Variants in SERPINI1 observed in about 807,000 individuals in gnomAD.
The protein encoded by SERPINI1 is serpin family I member 1, also known as neuroserpin.
Under a neutral mutation model 41.1 loss-of-function variants are expected in SERPINI1, and 19 were observed. The ratio of observed to expected loss-of-function variants is 0.46; its 90% CI spans 0.32 to 0.68. The LOEUF (loss-of-function observed/expected upper bound fraction) is 0.68. Among genes scored for constraint, SERPINI1 ranks in the 30% least tolerant of loss-of-function variants. SERPINI1 has a pLI of 0.03. For missense variants in SERPINI1, 460 were observed against 479.2 expected, an observed-to-expected ratio of 0.96 and a Z score of 0.37; for synonymous variants, 138 against 156.6, an observed-to-expected ratio of 0.88 and a Z score of 0.89.
At chr3:167,800,460 C>T (rs1157911368) in intron 5 of SERPINI1, among the ~76,000 whole-genome samples, 1 of 152,068 alleles carries the variant, frequency 6.6e-6, no homozygotes, top group Admixed American at 6.5e-5. Flanking sequence ...AAACTTGATT[C>T]TTTTGAATTT....
chr3:167,808,777 C>A (rs1333048707), intron 6 of SERPINI1, among the ~76,000 whole-genome samples: 1 of 152,098 alleles, frequency 6.6e-6, no homozygotes, highest in Non-Finnish European at 1.5e-5. Flanking sequence ...TAAATATGTG[C>A]ACACAATGCA....
At chr3:167,756,953 A>G (rs1007102139) in intron 1 of SERPINI1, among the ~76,000 whole-genome samples, 2 of 152,228 alleles carry the variant, frequency 1.3e-5, no homozygotes, top group Non-Finnish European at 2.9e-5. Flanking sequence ...CTCTATGTAA[A>G]TGAGGTTTTC....
intron 1 of SERPINI1, among the ~76,000 whole-genome samples, chr3:167,787,303 G>A (rs1287910469): frequency 6.6e-6 from 1 of 152,150 alleles, no homozygotes; most frequent in African/African-American, 2.4e-5. Flanking sequence ...AAGAAGTATG[G>A]TATAGTAAAT....
chr3:167,746,583 AGGCAAAG>A (rs1725869486), intron 1 of SERPINI1, among the ~76,000 whole-genome samples: 1 of 152,230 alleles, frequency 6.6e-6, no homozygotes, highest in Non-Finnish European at 1.5e-5. Context: ...AATTAAAAGT[AGGCAAAG>A]GATATGAATA....
chr3:167,820,689 C>T (rs1309244134), intron 6 of SERPINI1, among the ~76,000 whole-genome samples: 19 of 152,172 alleles, frequency 1.2e-4, no homozygotes, highest in Non-Finnish European at 7.4e-5. Context: ...CCGCTCAGCA[C>T]GGACAGCCTG....
At chr3:167,785,323 A>T (rs1351139296) in intron 1 of SERPINI1, among the ~76,000 whole-genome samples, 1 of 152,104 alleles carries the variant, frequency 6.6e-6, no homozygotes, top group African/African-American at 2.4e-5. Flanking sequence ...ACCTTTTTTC[A>T]TTAATGAGGA....
intron 6 of SERPINI1, among the ~76,000 whole-genome samples, chr3:167,812,288 C>A (rs1711918082): frequency 1.3e-5 from 2 of 152,210 alleles, no homozygotes; most frequent in Non-Finnish European, 1.5e-5. Context: ...ACCTGTGCCC[C>A]ATCCGCTGCT....
intron 1 of SERPINI1, among the ~76,000 whole-genome samples, chr3:167,772,862 CTCTATATATA>C (rs1397310304): frequency 4.2e-5 from 1 of 23,656 alleles, no homozygotes; most frequent in South Asian, 2.2e-3. Flanking sequence ...CTCTCTCTCT[CTCTATATATA>C]TATATATATA....
intron 1 of SERPINI1, among the ~76,000 whole-genome samples, chr3:167,753,565 T>C (rs1202021617): frequency 1.3e-5 from 2 of 152,140 alleles, no homozygotes; most frequent in Non-Finnish European, 2.9e-5. Flanking sequence ...CCTATGAAGA[T>C]TGGGGGTGGG....
chr3:167,781,177 A>T (rs950464065), intron 1 of SERPINI1, among the ~76,000 whole-genome samples: 2 of 152,102 alleles, frequency 1.3e-5, no homozygotes, highest in Non-Finnish European at 2.9e-5. Context: ...GCAAATCAGG[A>T]AACACAGGCC....
chr3:167,751,230 C>T (rs1442251425), intron 1 of SERPINI1, among the ~76,000 whole-genome samples: 2 of 152,160 alleles, frequency 1.3e-5, no homozygotes, highest in Non-Finnish European at 2.9e-5. Flanking sequence ...CTCCTCTATT[C>T]TCCATTATAC....
chr3:167,754,148 G>A (rs1184410658), intron 1 of SERPINI1, among the ~76,000 whole-genome samples: 1 of 152,180 alleles, frequency 6.6e-6, no homozygotes, highest in East Asian at 1.9e-4. Context: ...TGTGAGCTCT[G>A]TATTCATTTT....
intron 2 of SERPINI1, among the ~76,000 whole-genome samples, chr3:167,790,116 G>A (rs1229333919): frequency 6.6e-6 from 1 of 152,132 alleles, no homozygotes; most frequent in Non-Finnish European, 1.5e-5. Flanking sequence ...GAAGAAAACA[G>A]TCTCTATAGA....
In SERPINI1 at chr3:167,754,342, G is replaced by C. The variant is rs569539985; in HGVS notation, c.-19+18519G>C. ...TCTTCAGCAACTGGAATAGATGAAA[G>C]TGTCTCTTAAAGCCCTCCATTGATC... On this transcript the variant is annotated intron_variant, in intron 1 of 8. Coordinates refer to ENST00000446050, the MANE Select transcript of SERPINI1 (RefSeq NM_001122752.2). Among the ~76,000 whole-genome samples the C allele has an allele frequency of 7.9e-5, 12 of 152,296 alleles. No homozygotes were observed. The South Asian group carries it at 2.3e-3, about 29-fold the overall frequency.
chr3:167,824,578 A>G lies in SERPINI1; in HGVS notation c.1156+16A>G. 6.4e-7 allele frequency: 1 copy of G among 1,565,266 alleles called. No individual in the cohort carries two copies. On this transcript the variant is annotated intron_variant, in intron 8 of 8. Transcript: ENST00000446050. ...AGGAGAACTGGTAAGTTTATTATGAAAACAAAATTTTATTTAATAGGTCAC... is the reference window on the plus strand; with the variant it reads ...AGGAGAACTGGTAAGTTTATTATGAGAACAAAATTTTATTTAATAGGTCAC...
At chr3:167,758,761 A>G (rs1726275492) in intron 1 of SERPINI1, among the ~76,000 whole-genome samples, 1 of 152,192 alleles carries the variant, frequency 6.6e-6, no homozygotes, top group African/African-American at 2.4e-5. Context: ...ACTCAATAAC[A>G]TTGTATCAGT....
chr3:167,755,619 C>T (rs996818095), intron 1 of SERPINI1, among the ~76,000 whole-genome samples: 1 of 152,110 alleles, frequency 6.6e-6, no homozygotes, highest in African/African-American at 2.4e-5. Context: ...CTTGAAATTA[C>T]AATAAATGTA....
chr3:167,772,006 A>G (rs1726771279), intron 1 of SERPINI1, among the ~76,000 whole-genome samples: 1 of 152,244 alleles, frequency 6.6e-6, no homozygotes, highest in Non-Finnish European at 1.5e-5. Flanking sequence ...TGAAGCCTTC[A>G]GATGAAGGTT....
chr3:167,766,616 G>A (rs574520839), intron 1 of SERPINI1, among the ~76,000 whole-genome samples: 4 of 152,312 alleles, frequency 2.6e-5, no homozygotes, highest in South Asian at 2.1e-4. Flanking sequence ...AAGCCAAGTC[G>A]TGAATGCAAA....
Sources: allele counts gnomAD v4.1 joint callset (sites outside exome capture counted in the v4.1 genomes callset), GRCh38; gene constraint gnomAD v4.1.1; transcripts MANE v1.5; gene names NCBI Gene and HGNC (gene_info 2026-07-23, HGNC 2026-07-21).